TRMT9B: variants seen among roughly 807,000 people sequenced by gnomAD.
TRMT9B encodes the protein tRNA methyltransferase 9B (putative), also known as probable tRNA methyltransferase 9B.
TRMT9B carries 16 observed loss-of-function variants against 11.5 expected under a neutral mutation model. The observed-to-expected ratio is 1.39, with a 90% CI of 0.94 to 2.11. The LOEUF is 2.11. TRMT9B is among the 30% of genes most tolerant of loss of function. The pLI, the probability that TRMT9B is intolerant of heterozygous loss-of-function variation, is 0.00. For missense variants in TRMT9B, 941 were observed against 553.8 expected, an observed-to-expected ratio of 1.70 and a Z score of -7.02; for synonymous variants, 274 against 192.4, an observed-to-expected ratio of 1.42 and a Z score of -3.51.
intron 1 of TRMT9B, among the ~76,000 whole-genome samples, chr8:12,954,920 C>T (rs1801102927): frequency 6.6e-6 from 1 of 152,170 alleles, no homozygotes; most frequent in Non-Finnish European, 1.5e-5. Flanking sequence ...ATTTCCTTGT[C>T]TGTGAAATGG....
rs1239340239 is a variant in TRMT9B at position 13,024,303 on chromosome 8, A to C, written c.*2259A>C. 1.2e-5 allele frequency: 2 copies of C among 165,180 alleles called. No individual in the cohort carries two copies. The highest frequency in any genetic ancestry group is 1.3e-4 in the Admixed American group (2 of 15,260). The allele number at this position is 165,180 out of a possible 1,614,324, so 10.2% of individuals were successfully genotyped here. ...CGTGATCCACCCGCCTCGGCCCCCC[A>C]CAGTGCTGGGATTACAGGCGTGAGC... On this transcript the variant is annotated 3_prime_UTR_variant, in exon 5 of 5. Coordinates refer to ENST00000524591, the MANE Select transcript of TRMT9B (RefSeq NM_020844.3).
chr8:13,001,645 C>T lies in TRMT9B; in HGVS notation c.-1-4557C>T, dbSNP rs1179030514. ...TAAAAAGACAAGAGGTGTTTAAAGA[C>T]AGAAAGAGTATTATAGACCCAATAA... On this transcript the variant is annotated intron_variant, in intron 2 of 4. Transcript: ENST00000524591. Among the ~76,000 whole-genome samples, 10 of 152,064 alleles carry T rather than the reference C, an allele frequency of 6.6e-5. No homozygotes were observed. In the East Asian group the frequency reaches 1.9e-3, roughly 29 times the overall value.
chr8:12,973,899 CCT>C (rs1330405215), intron 1 of TRMT9B, among the ~76,000 whole-genome samples: 2 of 152,138 alleles, frequency 1.3e-5, no homozygotes, highest in African/African-American at 4.8e-5. Flanking sequence ...GTGGCTCATA[CCT>C]GTAATCCTAG....
At chr8:12,956,586 G>A (rs1406283306) in intron 1 of TRMT9B, among the ~76,000 whole-genome samples, 1 of 152,204 alleles carries the variant, frequency 6.6e-6, no homozygotes, top group Non-Finnish European at 1.5e-5. Context: ...GCCGCAGATA[G>A]TCTACCCATT....
chr8:13,019,104 A>G (rs1813340585), intron 4 of TRMT9B, among the ~76,000 whole-genome samples: 1 of 152,162 alleles, frequency 6.6e-6, no homozygotes, highest in African/African-American at 2.4e-5. Flanking sequence ...TTGGGGGATT[A>G]CAATTTGGGG....
chr8:12,956,186 A>T (rs1215139328), intron 1 of TRMT9B, among the ~76,000 whole-genome samples: 1 of 152,208 alleles, frequency 6.6e-6, no homozygotes, highest in Non-Finnish European at 1.5e-5. Flanking sequence ...AGGTAGAGGG[A>T]TGCACACTTG....
intron 2 of TRMT9B, among the ~76,000 whole-genome samples, chr8:13,003,408 C>A (rs900983668): frequency 5.3e-5 from 8 of 152,106 alleles, no homozygotes; most frequent in Admixed American, 2.0e-4. Context: ...TTCCCTGTTG[C>A]CCTTATCCTG....
At chr8:13,004,639 C>G (rs117144179) in intron 2 of TRMT9B, among the ~76,000 whole-genome samples, 3 of 151,924 alleles carry the variant, frequency 2.0e-5, no homozygotes. Flanking sequence ...CTAAAGAGCC[C>G]TTTGGCCCTG....
rs183719264 is a variant in TRMT9B at position 12,981,354 on chromosome 8, G to A, written c.-199-9480G>A. Among the ~76,000 whole-genome samples, 267 of 152,262 alleles carry A rather than the reference G, an allele frequency of 1.8e-3. 1 individual carries two copies. Among genetic ancestry groups the A allele is most frequent in the Non-Finnish European group, 6.9e-4 (47 of 68,020 alleles). The stretch of plus-strand genomic sequence containing the variant: ...GAGCACAGGGTGTGAATTGGGGGTG[G>A]GACATCATGAGCAAAGATGCAGATC... On this transcript the variant is annotated intron_variant, in intron 1 of 4. Transcript: ENST00000524591.
chr8:12,952,329 C>G (rs1443776931), intron 1 of TRMT9B: 4 of 330,186 alleles, frequency 1.2e-5, no homozygotes, highest in South Asian at 2.1e-5. Context: ...GCGCGTGCCC[C>G]GGAGCCCGCG....
At chr8:12,999,603 G>A (rs1282438674) in intron 2 of TRMT9B, among the ~76,000 whole-genome samples, 3 of 152,122 alleles carry the variant, frequency 2.0e-5, no homozygotes, top group African/African-American at 4.8e-5. Flanking sequence ...TTCACTAAAC[G>A]TATTTAGACC....
Position 13,021,886 on chromosome 8 carries a change from T to C in TRMT9B, c.1207T>C (p.Leu403=), listed in dbSNP as rs764869294. Reference sequence around the variant, plus strand: ...TGTCGAAGATCCACAGACTGATGTTTTGGACTCCACAGCCTTTATGCGCTA... The same window carrying C: ...TGTCGAAGATCCACAGACTGATGTTCTGGACTCCACAGCCTTTATGCGCTA... The part of the protein sequence containing the change: ...MSVEDPQTDV[L]DSTAFMRYYH... The change falls in exon 5 of 5, where the codon TTG becomes CTG. Residue 403 remains leucine (L), a synonymous_variant. Transcript: ENST00000524591. 1 of 1,613,862 alleles carries C rather than the reference T, an allele frequency of 6.2e-7. No homozygotes were observed. Among genetic ancestry groups the C allele is most frequent in the Non-Finnish European group, 8.5e-7 (1 of 1,179,886 alleles).
chr8:12,955,579 T>A (rs1801189533), intron 1 of TRMT9B, among the ~76,000 whole-genome samples: 1 of 152,114 alleles, frequency 6.6e-6, no homozygotes, highest in East Asian at 1.9e-4. Context: ...TTCTTAAAGG[T>A]GTAACTGCGA....
intron 1 of TRMT9B, among the ~76,000 whole-genome samples, chr8:12,976,560 TA>T (rs1348698793): frequency 2.0e-5 from 3 of 151,740 alleles, no homozygotes; most frequent in Non-Finnish European, 4.4e-5. Flanking sequence ...GGTAATATAG[TA>T]AAACCCTGTC....
Position 13,021,469 on chromosome 8 carries a change from C to A in TRMT9B, c.790C>A (p.Gln264Lys), listed in dbSNP as rs200795505. ...TTTGGATGAATCGACTCTGAGGAAGCAAATTGAAAGAGTAAGACCCTTGAA... is the reference window on the plus strand; with the variant it reads ...TTTGGATGAATCGACTCTGAGGAAGAAAATTGAAAGAGTAAGACCCTTGAA... ...RSLDESTLRKQIERVRPLKNT... is the reference protein window; with the variant it reads ...RSLDESTLRKKIERVRPLKNT... The change falls in exon 5 of 5, where the codon CAA becomes AAA. Residue 264 changes from glutamine (Q) to lysine (K), a missense_variant. Gln to Lys is a moderately conservative substitution (Grantham distance 53). Coordinates refer to ENST00000524591, the MANE Select transcript of TRMT9B (RefSeq NM_020844.3). 2.5e-6 allele frequency: 4 copies of A among 1,613,804 alleles called. No homozygotes were observed. Among genetic ancestry groups the A allele is most frequent in the Non-Finnish European group, 3.4e-6 (4 of 1,179,874 alleles).
At chr8:12,964,140 A>G (rs1379898270) in intron 1 of TRMT9B, among the ~76,000 whole-genome samples, 2 of 152,352 alleles carry the variant, frequency 1.3e-5, no homozygotes, top group South Asian at 2.1e-4. Flanking sequence ...GGAAACTCAA[A>G]AAGACTCGTG....
chr8:12,972,876 C>T (rs1803849783), intron 1 of TRMT9B, among the ~76,000 whole-genome samples: 1 of 152,202 alleles, frequency 6.6e-6, no homozygotes, highest in African/African-American at 2.4e-5. Context: ...TTATATAACT[C>T]AGGGGCGTTA....
chr8:13,002,666 GA>G (rs1359679259), intron 2 of TRMT9B, among the ~76,000 whole-genome samples: 1 of 152,160 alleles, frequency 6.6e-6, no homozygotes, highest in Non-Finnish European at 1.5e-5. Context: ...AGGAATGATG[GA>G]ATTATATTAT....
intron 1 of TRMT9B, among the ~76,000 whole-genome samples, chr8:12,976,028 A>C (rs1036825917): frequency 6.6e-6 from 1 of 152,232 alleles, no homozygotes; most frequent in Non-Finnish European, 1.5e-5. Context: ...TGGACTGATC[A>C]GGAATTTATT....
Sources: gnomAD v4.1 joint callset for allele counts (sites outside exome capture counted in the v4.1 genomes callset) on GRCh38, gnomAD v4.1.1 for gene constraint, MANE v1.5 for transcripts, NCBI Gene and HGNC (gene_info 2026-07-23, HGNC 2026-07-21) for gene names.